The following PTGFR variants were observed in gnomAD, a reference collection of about 807,000 sequenced individuals.
The protein encoded by PTGFR is prostaglandin F receptor.
In PTGFR, 15 loss-of-function variants were observed where a neutral mutation model predicts 26.2. The ratio of observed to expected loss-of-function variants is 0.57; its 90% confidence interval spans 0.38 to 0.88. The LOEUF (loss-of-function observed/expected upper bound fraction) is 0.88, where lower values mean the gene tolerates loss of function less well. Among genes scored for constraint, PTGFR ranks in the 40% least tolerant of loss-of-function variants. The pLI is 0.00. For missense variants in PTGFR, 369 were observed against 427.2 expected (o/e 0.86, Z 1.20); for synonymous variants, 165 against 151.1 (o/e 1.09, Z -0.68).
At chr1:78,525,516 T>A (rs966589548) in intron 2 of PTGFR, among the ~76,000 whole-genome samples, 1 of 152,054 alleles carries the variant, frequency 6.6e-6, no homozygotes, top group Non-Finnish European at 1.5e-5. Flanking sequence ...CCTACTATAT[T>A]AATGGGTATC....
intron 2 of PTGFR, among the ~76,000 whole-genome samples, chr1:78,513,152 G>A (rs1487692343): frequency 6.6e-6 from 1 of 152,230 alleles, no homozygotes; most frequent in African/African-American, 2.4e-5. Flanking sequence ...CCCTGAAGAT[G>A]TGGAAGTGGC....
At chr1:78,497,797 A>G (rs530320878) in intron 2 of PTGFR, 6 of 976,280 alleles carry the variant, frequency 6.1e-6, no homozygotes, top group African/African-American at 1.6e-5. Context: ...CTAATCACCA[A>G]CGGTAGACTT....
intron 2 of PTGFR, among the ~76,000 whole-genome samples, chr1:78,513,977 G>A (rs1331911893): frequency 1.3e-5 from 2 of 152,240 alleles, no homozygotes; most frequent in South Asian, 2.1e-4. Flanking sequence ...GGTGGCTTCT[G>A]CCTAGATTTT....
intron 2 of PTGFR, among the ~76,000 whole-genome samples, chr1:78,500,061 AT>A (rs35204108): frequency 3.5e-4 from 53 of 150,256 alleles, no homozygotes; most frequent in Middle Eastern, 3.4e-3. Flanking sequence ...TTCATAATGT[AT>A]TTTTTTTTTG....
chr1:78,504,982 A>G (rs897204888), intron 2 of PTGFR, among the ~76,000 whole-genome samples: 6 of 152,116 alleles, frequency 3.9e-5, no homozygotes, highest in Non-Finnish European at 5.9e-5. Flanking sequence ...CAATTGATCA[A>G]TTTTAATATA....
At chr1:78,531,867 G>A (rs1433591311) in intron 2 of PTGFR, among the ~76,000 whole-genome samples, 1 of 151,658 alleles carries the variant, frequency 6.6e-6, no homozygotes, top group Admixed American at 6.6e-5. Flanking sequence ...AAGACACAAG[G>A]GACTATTATA....
At chr1:78,504,494 A>C (rs1649780821) in intron 2 of PTGFR, among the ~76,000 whole-genome samples, 1 of 152,150 alleles carries the variant, frequency 6.6e-6, no homozygotes, top group Non-Finnish European at 1.5e-5. Flanking sequence ...AATACTTATA[A>C]AATAAATTAT....
chr1:78,539,897 A>G lies in PTGFR; in HGVS notation c.*3210A>G, dbSNP rs922592047. The G allele has an allele frequency of 6.6e-6, 1 of 152,076 alleles. No homozygotes were observed. The highest frequency in any genetic ancestry group is 2.4e-5 in the African/African-American group (1 of 41,438). 9.4% of individuals were successfully genotyped at this position (152,076 alleles called of 1,614,324 possible). On this transcript the variant is annotated 3_prime_UTR_variant, in exon 3 of 3. Coordinates refer to ENST00000370757, the MANE Select transcript of PTGFR (RefSeq NM_000959.4). ...CTCCCACCCTGCCCAATCTTCTGTG[A>G]TATCTTCTCTCTTTTACCTGTGTCT...
In PTGFR at chr1:78,501,990, A is replaced by G. The variant is rs1181234873; in HGVS notation, c.798+8449A>G. On this transcript the variant is annotated intron_variant, in intron 2 of 2. Coordinates refer to ENST00000370757, the MANE Select transcript of PTGFR (RefSeq NM_000959.4). ...CCATCCCAATGAAAAATAATCATCT[A>G]CGTTTAGTTCAGATATTTTCCATTT... Among the ~76,000 whole-genome samples the G allele has an allele frequency of 2.6e-5, 4 of 152,314 alleles. No homozygotes were observed. In the East Asian group the frequency reaches 7.7e-4, roughly 29 times the overall value.
At chr1:78,498,334 GTTTATATAT>G (rs1362670901) in intron 2 of PTGFR, among the ~76,000 whole-genome samples, 1 of 152,018 alleles carries the variant, frequency 6.6e-6, no homozygotes, top group African/African-American at 2.4e-5. Context: ...GTGGATATAT[GTTTATATAT>G]TTTAAGTGAA....
chr1:78,508,241 A>G (rs1480265064), intron 2 of PTGFR, among the ~76,000 whole-genome samples: 1 of 152,126 alleles, frequency 6.6e-6, no homozygotes, highest in Non-Finnish European at 1.5e-5. Context: ...TTATCTTTTC[A>G]TGCATCATAT....
intron 2 of PTGFR, among the ~76,000 whole-genome samples, chr1:78,501,688 C>T (rs1197295933): frequency 6.6e-6 from 1 of 152,106 alleles, no homozygotes; most frequent in Non-Finnish European, 1.5e-5. Flanking sequence ...GCTTTTTGTG[C>T]ATAGTCCCAA....
chr1:78,522,052 T>A (rs1005341577), intron 2 of PTGFR, among the ~76,000 whole-genome samples: 1 of 150,168 alleles, frequency 6.7e-6, no homozygotes, highest in Non-Finnish European at 1.5e-5. Flanking sequence ...GTTACAGGCT[T>A]GGGGGAAGAA....
chr1:78,533,008 C>T (rs531877190), intron 2 of PTGFR, among the ~76,000 whole-genome samples: 1 of 152,222 alleles, frequency 6.6e-6, no homozygotes, highest in African/African-American at 2.4e-5. Flanking sequence ...GGAAATGATG[C>T]TCCATTGAGC....
chr1:78,493,905 T>G (rs1649479572), intron 2 of PTGFR, among the ~76,000 whole-genome samples: 1 of 152,224 alleles, frequency 6.6e-6, no homozygotes, highest in Admixed American at 6.5e-5. Flanking sequence ...TGATAGAAAG[T>G]CACATGAACT....
chr1:78,512,009 T>C (rs928744197), intron 2 of PTGFR, among the ~76,000 whole-genome samples: 3 of 152,218 alleles, frequency 2.0e-5, no homozygotes, highest in African/African-American at 7.2e-5. Flanking sequence ...ATGGGTGACC[T>C]TCACTCCAAT....
intron 2 of PTGFR, among the ~76,000 whole-genome samples, chr1:78,493,891 G>A (rs1352912806): frequency 6.6e-6 from 1 of 152,116 alleles, no homozygotes; most frequent in East Asian, 1.9e-4. Context: ...ATTGCAGTAA[G>A]TCTTGATAGA....
chr1:78,507,814 A>G (rs1649863034), intron 2 of PTGFR, among the ~76,000 whole-genome samples: 1 of 152,210 alleles, frequency 6.6e-6, no homozygotes. Context: ...TAATGTGAAG[A>G]ATAAGGATGA....
At position 78,492,851 on chromosome 1, in the gene PTGFR, C is replaced by T. The variant is rs766292131; in HGVS notation, c.108C>T (p.Phe36=). 3.1e-6 allele frequency: 5 copies of T among 1,614,244 alleles called. No homozygotes were observed. The South Asian group carries it at 5.5e-5, about 18-fold the overall frequency. Reference sequence around the variant, plus strand: ...TTTCCGTATTTTTTTCAGTAATCTTCATGACAGTGGGAATCTTGTCAAACA... The same window carrying T: ...TTTCCGTATTTTTTTCAGTAATCTTTATGACAGTGGGAATCTTGTCAAACA... The part of the protein sequence containing the change: ...NRLSVFFSVI[F]MTVGILSNSL... Residue 36 remains phenylalanine (F), a synonymous_variant, in exon 2 of 3, where the codon TTC becomes TTT. Coordinates refer to ENST00000370757, the MANE Select transcript of PTGFR (RefSeq NM_000959.4).
Sources: gnomAD v4.1 joint callset for allele counts (sites outside exome capture counted in the v4.1 genomes callset) on GRCh38, gnomAD v4.1.1 for gene constraint, MANE v1.5 for transcripts, NCBI Gene and HGNC (gene_info 2026-07-23, HGNC 2026-07-21) for gene names.